The following PLPP1 variants were observed in gnomAD, a reference collection of about 807,000 sequenced individuals.
The protein encoded by PLPP1 is lipid phosphate phosphohydrolase 1a.
PLPP1 carries 24 observed loss-of-function variants against 31.2 expected under a neutral mutation model. That is an observed-to-expected ratio of 0.77 (90% CI 0.56 to 1.08). The LOEUF is 1.08. PLPP1 is among the 50% of genes least tolerant of loss of function. The pLI, the probability that PLPP1 is intolerant of heterozygous loss-of-function variation, is 0.00. For synonymous variants in PLPP1, 146 were observed against 126.3 expected, an observed-to-expected ratio of 1.16 and a Z score of -1.05; for missense variants, 319 against 342.7, an observed-to-expected ratio of 0.93 and a Z score of 0.55.
At chr5:55,449,545 C>T (rs145424574) in intron 3 of PLPP1, among the ~76,000 whole-genome samples, 102 of 152,330 alleles carry the variant, frequency 6.7e-4, no homozygotes, top group African/African-American at 2.4e-3. Flanking sequence ...TACCTACAAA[C>T]TCATGCCCAG....
intron 1 of PLPP1, among the ~76,000 whole-genome samples, chr5:55,529,487 G>C (rs1262536272): frequency 6.6e-6 from 1 of 152,040 alleles, no homozygotes; most frequent in East Asian, 1.9e-4. Flanking sequence ...ATCAGTCAAA[G>C]ACTGAAATTA....
rs3827617 is a variant in PLPP1 at position 55,438,088 on chromosome 5, C to T, written c.549+3763G>A. On this transcript the variant is annotated intron_variant, in intron 4 of 5. Coordinates refer to ENST00000307259, the MANE Select transcript of PLPP1 (RefSeq NM_003711.4). ...ATAGATACAGGAATTTCATAACAGG[C>T]GGTGATATAAACAATCTGGGGTTAC... is the stretch of plus-strand genomic sequence containing the variant. 1.6e-4 allele frequency among the ~76,000 whole-genome samples: 25 copies of T among 152,148 alleles called. No homozygotes were observed. In the East Asian group the frequency reaches 2.9e-3, roughly 18 times the overall value.
intron 1 of PLPP1, among the ~76,000 whole-genome samples, chr5:55,489,568 T>C (rs767797427): frequency 6.6e-6 from 1 of 152,206 alleles, no homozygotes. Context: ...TTAATACTTA[T>C]ACCTCTTAGA....
chr5:55,488,962 G>A (rs778473988), intron 1 of PLPP1, among the ~76,000 whole-genome samples: 1 of 151,976 alleles, frequency 6.6e-6, no homozygotes, highest in Non-Finnish European at 1.5e-5. Flanking sequence ...CCGAGCTGAG[G>A]CAGAGTAGAT....
At position 55,485,580 on chromosome 5, in the gene PLPP1, T is replaced by G. The variant is rs886228609; in HGVS notation, c.59-10130A>C. On this transcript the variant is annotated intron_variant, in intron 1 of 5. Transcript: ENST00000307259. ...GGGTATATAGTTAAGGCATTTAAAC[T>G]TCAGGTATATGAAAAATGAAAACAG... is the stretch of plus-strand genomic sequence containing the variant. Among the ~76,000 whole-genome samples, 5 of 75,262 alleles carry G rather than the reference T, an allele frequency of 6.6e-5. No individual in the cohort carries two copies. In the Admixed American group the frequency reaches 9.1e-4, roughly 14 times the overall value. The allele number at this position is 75,262 out of a possible 152,430, so 49.4% of individuals were successfully genotyped here.
At chr5:55,451,158 G>A (rs183726597) in intron 3 of PLPP1, among the ~76,000 whole-genome samples, 8 of 152,164 alleles carry the variant, frequency 5.3e-5, no homozygotes, top group African/African-American at 1.2e-4. Context: ...AGTAGCTCAC[G>A]CCTGTAATCC....
In PLPP1 at chr5:55,425,321, G is replaced by A. The variant is rs146179969; in HGVS notation, c.740C>T (p.Ser247Leu). 175 of 1,603,160 alleles carry A rather than the reference G, an allele frequency of 1.1e-4. No homozygotes were observed. Among genetic ancestry groups the A allele is most frequent in the Non-Finnish European group, 1.4e-4 (164 of 1,170,928 alleles). Reference sequence around the variant, plus strand: ...AGAAGTTCTTTCTTTGAAGAAATCCGATACATATACAGCCTACAGTGCAAA... The same window carrying A: ...AGAAGTTCTTTCTTTGAAGAAATCCAATACATATACAGCCTACAGTGCAAA... The part of the protein sequence containing the change: ...LVAILVAVYV[S>L]DFFKERTSFK... The change falls in exon 6 of 6, where the codon TCG becomes TTG. Residue 247 changes from serine (S) to leucine (L), a missense_variant. Physicochemically the swap from Ser to Leu is moderately radical, Grantham distance 145. Coordinates refer to ENST00000307259, the MANE Select transcript of PLPP1 (RefSeq NM_003711.4).
chr5:55,500,899 C>A (rs1753128029), intron 1 of PLPP1, among the ~76,000 whole-genome samples: 2 of 152,134 alleles, frequency 1.3e-5, no homozygotes, highest in Admixed American at 1.3e-4. Flanking sequence ...CTATAACTTA[C>A]CTGAAATCAT....
At chr5:55,441,786 T>C in intron 4 of PLPP1, 65 bp downstream of exon 4, 2 of 1,513,450 alleles carry the variant, frequency 1.3e-6, no homozygotes, top group South Asian at 2.3e-5. Flanking sequence ...GTGAGGACAC[T>C]GATGCTGAGC....
At chr5:55,477,239 G>A (rs1752570545) in intron 1 of PLPP1, among the ~76,000 whole-genome samples, 1 of 152,074 alleles carries the variant, frequency 6.6e-6, no homozygotes, top group Non-Finnish European at 1.5e-5. Flanking sequence ...GCACTTATCA[G>A]CACACACTGT....
intron 1 of PLPP1, among the ~76,000 whole-genome samples, chr5:55,482,180 A>G: frequency 6.7e-6 from 1 of 148,830 alleles, no homozygotes; most frequent in Non-Finnish European, 1.5e-5. Flanking sequence ...ATATATATAT[A>G]GTATATAGTA....
chr5:55,445,946 CTGCTTT>C (rs1751756011), intron 3 of PLPP1, among the ~76,000 whole-genome samples: 1 of 152,164 alleles, frequency 6.6e-6, no homozygotes, highest in Non-Finnish European at 1.5e-5. Context: ...CTTCTGGCTT[CTGCTTT>C]TGCTGTTAAA....
intron 1 of PLPP1, among the ~76,000 whole-genome samples, chr5:55,529,291 C>T (rs1333230295): frequency 2.0e-5 from 3 of 151,624 alleles, no homozygotes; most frequent in African/African-American, 7.3e-5. Context: ...ACATATACAT[C>T]TTTAGCTTTG....
intron 1 of PLPP1, among the ~76,000 whole-genome samples, chr5:55,526,931 C>CAAAAAAAAAA (rs34267008): frequency 1.3e-5 from 1 of 75,528 alleles, no homozygotes; most frequent in Non-Finnish European, 2.3e-5. Context: ...GATTCCATCT[C>CAAAAAAAAAA]AAAAAAAAAA....
chr5:55,425,078 A>C lies in PLPP1; in HGVS notation c.*128T>G. 1 of 1,249,692 alleles carries C rather than the reference A, an allele frequency of 8.0e-7. No individual in the cohort carries two copies. The allele number at this position is 1,249,692 out of a possible 1,614,324, so 77.4% of individuals were successfully genotyped here. ...CTATGTACACACAAAGTGTGCATCC[A>C]AGAGGCATAGCAGCAGCAGAAGTCT... is the stretch of plus-strand genomic sequence containing the variant. On this transcript the variant is annotated 3_prime_UTR_variant, in exon 6 of 6. Coordinates refer to ENST00000307259, the MANE Select transcript of PLPP1 (RefSeq NM_003711.4).
chr5:55,426,722 G>A (rs750099657), intron 4 of PLPP1, among the ~76,000 whole-genome samples: 1 of 152,122 alleles, frequency 6.6e-6, no homozygotes, highest in African/African-American at 2.4e-5. Context: ...ATCGTGGTTA[G>A]TTCTGAGTCT....
At chr5:55,432,220 G>C (rs773630681) in intron 4 of PLPP1, among the ~76,000 whole-genome samples, 9 of 151,298 alleles carry the variant, frequency 5.9e-5, no homozygotes, top group Admixed American at 5.9e-4. Flanking sequence ...TGGGACTACC[G>C]GCATAAGCTA....
At chr5:55,508,692 G>C (rs1753337433) in intron 1 of PLPP1, among the ~76,000 whole-genome samples, 1 of 152,224 alleles carries the variant, frequency 6.6e-6, no homozygotes, top group Non-Finnish European at 1.5e-5. Flanking sequence ...GCTGGTGCTA[G>C]AGGAGCTGGG....
intron 3 of PLPP1, among the ~76,000 whole-genome samples, chr5:55,463,390 G>A (rs1193931134): frequency 2.6e-5 from 4 of 152,078 alleles, no homozygotes; most frequent in East Asian, 1.9e-4. Context: ...GGCCAGGAGC[G>A]GTGGCTCACG....
Sources: gnomAD v4.1 joint callset for allele counts (sites outside exome capture counted in the v4.1 genomes callset) on GRCh38, gnomAD v4.1.1 for gene constraint, MANE v1.5 for transcripts, NCBI Gene and HGNC (gene_info 2026-07-23, HGNC 2026-07-21) for gene names.